Variants in DSCAM observed in about 807,000 individuals in gnomAD.
DSCAM encodes the protein cell adhesion molecule DSCAM.
DSCAM carries 47 observed loss-of-function variants against 217.7 expected under a neutral mutation model. The observed-to-expected ratio is 0.22, with a 90% CI of 0.17 to 0.28. DSCAM has a LOEUF of 0.28. Ranked by LOEUF, DSCAM falls within the 10% of genes least tolerant of loss-of-function variation. DSCAM has a pLI of 1.00. For missense variants in DSCAM, 2,080 were observed against 2,618.3 expected (o/e 0.79, Z 4.49); for synonymous variants, 1,056 against 1,015.3 (o/e 1.04, Z -0.76).
chr21:40,437,603 C>A (rs1228944818), intron 3 of DSCAM, among the ~76,000 whole-genome samples: 2 of 152,154 alleles, frequency 1.3e-5, no homozygotes, highest in African/African-American at 2.4e-5. Flanking sequence ...GTAATCCCTG[C>A]ACTTTGGGAG....
chr21:40,129,345 T>C (rs1419366546), intron 19 of DSCAM, among the ~76,000 whole-genome samples: 1 of 152,258 alleles, frequency 6.6e-6, no homozygotes, highest in African/African-American at 2.4e-5. Context: ...CTAGTATTTT[T>C]GGCCTTTCCT....
chr21:40,494,544 A>G lies in DSCAM; in HGVS notation c.509-125299T>C, dbSNP rs369056028. On this transcript the variant is annotated intron_variant, in intron 3 of 32. Coordinates refer to ENST00000400454, the MANE Select transcript of DSCAM (RefSeq NM_001389.5). ...CATTTTTTACGTCTAAATTTTAAGT[A>G]CTAAAATATCATTGAGACTAATGAA... Among the ~76,000 whole-genome samples, 71 of 152,322 alleles carry G rather than the reference A, an allele frequency of 4.7e-4. 1 individual carries two copies. The South Asian group carries it at 0.014, about 29-fold the overall frequency.
intron 1 of DSCAM, among the ~76,000 whole-genome samples, chr21:40,796,937 G>A (rs183507752): frequency 2.0e-5 from 3 of 152,274 alleles, no homozygotes; most frequent in African/African-American, 7.2e-5. Flanking sequence ...GATCAGAGGG[G>A]TAGAAACAAT....
intron 3 of DSCAM, among the ~76,000 whole-genome samples, chr21:40,489,178 T>C (rs887419349): frequency 3.9e-5 from 6 of 152,170 alleles, no homozygotes; most frequent in African/African-American, 1.2e-4. Context: ...TTGGATGAGA[T>C]TGATATTTTA....
chr21:40,561,004 G>C (rs953999417), intron 3 of DSCAM, among the ~76,000 whole-genome samples: 1 of 152,190 alleles, frequency 6.6e-6, no homozygotes, highest in Non-Finnish European at 1.5e-5. Flanking sequence ...TGTCCACTTT[G>C]TTTATGAGGA....
chr21:40,339,265 C>T lies in DSCAM; in HGVS notation c.1361G>A (p.Arg454His), dbSNP rs201023044. The change falls in exon 7 of 33, where the codon CGC becomes CAC. Residue 454 changes from arginine to histidine, a missense_variant. By Grantham distance (29) the Arg-to-His change is conservative. Coordinates refer to ENST00000400454, the MANE Select transcript of DSCAM (RefSeq NM_001389.5). ...CTCCGACGTGATCATCTGGCTGATGCGGTGACTGCCACCCTTGAGAATCGG... is the reference window on the plus strand; with the variant it reads ...CTCCGACGTGATCATCTGGCTGATGTGGTGACTGCCACCCTTGAGAATCGG... Reference protein sequence around the residue: ...DDPILKGGSHRISQMITSEGN... With the variant: ...DDPILKGGSHHISQMITSEGN... The T allele has an allele frequency of 8.6e-5, 139 of 1,614,126 alleles. No homozygotes were observed. Among genetic ancestry groups the T allele is most frequent in the Middle Eastern group, 8.2e-4 (5 of 6,062 alleles).
intron 3 of DSCAM, among the ~76,000 whole-genome samples, chr21:40,497,820 T>A (rs1461802090): frequency 6.6e-6 from 1 of 152,258 alleles, no homozygotes; most frequent in Non-Finnish European, 1.5e-5. Context: ...CTTGCATACA[T>A]TTGCCTTTGC....
chr21:40,198,154 C>T (rs2091034537), intron 11 of DSCAM, among the ~76,000 whole-genome samples: 1 of 152,218 alleles, frequency 6.6e-6, no homozygotes, highest in Non-Finnish European at 1.5e-5. Flanking sequence ...GCAGACGAGA[C>T]TGGCTACACA....
rs539910469 is a variant in DSCAM, at chr21:40,584,277, G to C, written c.508+108533C>G. Among the ~76,000 whole-genome samples, 101 of 152,266 alleles carry C rather than the reference G, an allele frequency of 6.6e-4. 1 individual carries two copies. The South Asian group carries it at 0.021, about 31-fold the overall frequency. ...AGTTTCAGAGCCCTAGTTACCTCAT[G>C]GTAGAAGTAACCAGGTCAAGCCTAG... On this transcript the variant is annotated intron_variant, in intron 3 of 32. Coordinates refer to ENST00000400454, the MANE Select transcript of DSCAM (RefSeq NM_001389.5).
chr21:40,448,859 C>A (rs1327028613), intron 3 of DSCAM, among the ~76,000 whole-genome samples: 1 of 152,104 alleles, frequency 6.6e-6, no homozygotes, highest in Non-Finnish European at 1.5e-5. Context: ...GCTGCTATAA[C>A]AAACTGCCAC....
At chr21:40,231,010 CTTTTTTT>C (rs372643343) in intron 11 of DSCAM, among the ~76,000 whole-genome samples, 1 of 137,662 alleles carries the variant, frequency 7.3e-6, no homozygotes, top group Non-Finnish European at 1.6e-5. Context: ...CTCGATTATG[CTTTTTTT>C]TTTTTTTCAC....
chr21:40,036,198 A>C lies in DSCAM; in HGVS notation c.5686+6173T>G, dbSNP rs944142288. Reference sequence around the variant, plus strand: ...AACTGAAGGAAATAGAGACACAAAAAACCCTTCAAAAAATTAATGAATCCA... The same window carrying C: ...AACTGAAGGAAATAGAGACACAAAACACCCTTCAAAAAATTAATGAATCCA... On this transcript the variant is annotated intron_variant, in intron 32 of 32. Coordinates refer to ENST00000400454, the MANE Select transcript of DSCAM (RefSeq NM_001389.5). Among the ~76,000 whole-genome samples, 6 of 147,028 alleles carry C rather than the reference A, an allele frequency of 4.1e-5. 1 individual carries two copies. Among genetic ancestry groups the C allele is most frequent in the African/African-American group, 1.6e-4 (6 of 37,810 alleles).
At position 40,189,166 on chromosome 21, in the gene DSCAM, G is replaced by T. The variant is rs748331627; in HGVS notation, c.2429C>A (p.Thr810Lys). Reference protein sequence around the residue: ...TQGQKKEMSCTAHGEKPIIVR... With the variant: ...TQGQKKEMSCKAHGEKPIIVR... ...TATAATGGGCTTCTCACCATGCGCC[G>T]TGCAGCTCATCTCCTTTTTCTGCCC... The change falls in exon 12 of 33, where the codon ACG becomes AAG. Residue 810 changes from threonine to lysine, a missense_variant. Transcript: ENST00000400454. 7 of 1,613,814 alleles carry T rather than the reference G, an allele frequency of 4.3e-6. No homozygotes were observed. In the East Asian group the frequency reaches 6.7e-5, roughly 15 times the overall value.
chr21:40,487,927 A>G (rs1204122040), intron 3 of DSCAM, among the ~76,000 whole-genome samples: 2 of 152,192 alleles, frequency 1.3e-5, no homozygotes, highest in Non-Finnish European at 1.5e-5. Context: ...ATTTATGTAC[A>G]TTCTGGTTCT....
At chr21:40,105,139 G>A (rs2089802121) in intron 20 of DSCAM, among the ~76,000 whole-genome samples, 1 of 152,078 alleles carries the variant, frequency 6.6e-6, no homozygotes. Flanking sequence ...TTACATGATT[G>A]GGCTCAGAAT....
At chr21:40,117,590 A>G (rs998692419) in intron 20 of DSCAM, among the ~76,000 whole-genome samples, 5 of 152,228 alleles carry the variant, frequency 3.3e-5, no homozygotes, top group Non-Finnish European at 7.3e-5. Context: ...ATTTTTAAAA[A>G]TGTGAGTCAT....
intron 1 of DSCAM, among the ~76,000 whole-genome samples, chr21:40,751,248 C>T (rs984167244): frequency 9.9e-5 from 15 of 152,214 alleles, no homozygotes; most frequent in African/African-American, 3.6e-4. Context: ...TGAAACTCCA[C>T]GTCTCCCTTA....
At chr21:40,353,399 T>G in intron 5 of DSCAM, 66 bp downstream of exon 5, 2 of 1,567,404 alleles carry the variant, frequency 1.3e-6, no homozygotes, top group South Asian at 1.2e-5. Context: ...ACATGGAGAT[T>G]TGCTTATAAC....
intron 32 of DSCAM, among the ~76,000 whole-genome samples, chr21:40,019,915 T>TC (rs1425008541): frequency 6.6e-6 from 1 of 152,100 alleles, no homozygotes; most frequent in Non-Finnish European, 1.5e-5. Flanking sequence ...TCTCCACATT[T>TC]CCCCCCTTCC....
Sources: allele counts gnomAD v4.1 joint callset (sites outside exome capture counted in the v4.1 genomes callset), GRCh38; gene constraint gnomAD v4.1.1; transcripts MANE v1.5; gene names NCBI Gene and HGNC (gene_info 2026-07-23, HGNC 2026-07-21).